FAF1: variants seen among roughly 807,000 people sequenced by gnomAD.
FAF1 encodes Fas associated factor 1.
Under a neutral mutation model 92.5 loss-of-function variants are expected in FAF1, and 25 were observed. The observed-to-expected ratio is 0.27, with a 90% CI of 0.20 to 0.38. The LOEUF (loss-of-function observed/expected upper bound fraction) is 0.38, where lower values mean the gene tolerates loss of function less well. Ranked by LOEUF, FAF1 falls within the 10% of genes least tolerant of loss-of-function variation. The pLI is 1.00. For missense variants in FAF1, 636 were observed against 793.3 expected (o/e 0.80, Z 2.38); for synonymous variants, 234 against 273.2 (o/e 0.86, Z 1.42).
intron 7 of FAF1, among the ~76,000 whole-genome samples, chr1:50,704,313 A>G (rs1657588622): frequency 6.6e-6 from 1 of 152,198 alleles, no homozygotes; most frequent in South Asian, 2.1e-4. Context: ...AATTATGGCT[A>G]GAAAATTCAA....
chr1:50,678,516 G>A (rs1201839347), intron 7 of FAF1, among the ~76,000 whole-genome samples: 1 of 152,048 alleles, frequency 6.6e-6, no homozygotes, highest in African/African-American at 2.4e-5. Context: ...CAGGTGTGGT[G>A]GCTCACATAT....
At chr1:50,580,777 T>C (rs1430452622) in intron 12 of FAF1, among the ~76,000 whole-genome samples, 5 of 152,210 alleles carry the variant, frequency 3.3e-5, no homozygotes, top group South Asian at 2.1e-4. Context: ...TTCGGTATTT[T>C]CTTTTTTCCT....
chr1:50,702,971 A>C (rs773128438), intron 7 of FAF1, among the ~76,000 whole-genome samples: 1 of 151,938 alleles, frequency 6.6e-6, no homozygotes, highest in African/African-American at 2.4e-5. Context: ...AATAGTGCAA[A>C]GTTTTCTTTT....
intron 15 of FAF1, among the ~76,000 whole-genome samples, chr1:50,503,710 G>A (rs750986201): frequency 6.6e-6 from 1 of 151,808 alleles, no homozygotes; most frequent in Non-Finnish European, 1.5e-5. Context: ...CAAGTAAAAG[G>A]AATGAATTAT....
intron 7 of FAF1, among the ~76,000 whole-genome samples, chr1:50,682,255 T>C (rs1656458696): frequency 6.6e-6 from 1 of 152,078 alleles, no homozygotes; most frequent in South Asian, 2.1e-4. Context: ...ATCTCTGCAC[T>C]TTGGGAGGCC....
At chr1:50,866,102 A>G (rs1644479601) in intron 1 of FAF1, among the ~76,000 whole-genome samples, 2 of 152,180 alleles carry the variant, frequency 1.3e-5, no homozygotes, top group South Asian at 2.1e-4. Context: ...CAAACATCAC[A>G]TGATAATCTC....
Position 50,621,391 on chromosome 1 carries a change from CTTTTTTTTTTTTT to C in FAF1, c.745-25188_745-25176del, listed in dbSNP as rs36053834. Among the ~76,000 whole-genome samples the C allele has an allele frequency of 7.8e-5, 7 of 89,228 alleles. No individual in the cohort carries two copies. In the East Asian group the frequency reaches 1.7e-3, roughly 21 times the overall value. The allele number at this position is 89,228 out of a possible 152,430, so 58.5% of individuals were successfully genotyped here. ...AGTTAGCCCCGATCTTTCTTTTTTT[CTTTTTTTTTTTTT>C]TTTTTTTTTTTTTGAGATGGAGTCT... is the stretch of plus-strand genomic sequence containing the variant. On this transcript the variant is annotated intron_variant, in intron 8 of 18. Coordinates refer to ENST00000396153, the MANE Select transcript of FAF1 (RefSeq NM_007051.3).
intron 6 of FAF1, among the ~76,000 whole-genome samples, chr1:50,723,725 A>G (rs1658509477): frequency 6.6e-6 from 1 of 152,180 alleles, no homozygotes; most frequent in South Asian, 2.1e-4. Context: ...CAGCCTGGGC[A>G]ACACAGCAAA....
chr1:50,733,183 CT>C (rs761658537), intron 6 of FAF1, among the ~76,000 whole-genome samples: 1 of 152,194 alleles, frequency 6.6e-6, no homozygotes, highest in Non-Finnish European at 1.5e-5. Flanking sequence ...GTCACTGTCA[CT>C]TATCAGTTTA....
At chr1:50,744,462 T>C (rs557300254) in intron 5 of FAF1, among the ~76,000 whole-genome samples, 1 of 152,340 alleles carries the variant, frequency 6.6e-6, no homozygotes, top group Admixed American at 6.5e-5. Context: ...ACATGCCATA[T>C]ACTGTTTTCA....
At chr1:50,626,520 T>C (rs1220130346) in intron 8 of FAF1, among the ~76,000 whole-genome samples, 2 of 152,084 alleles carry the variant, frequency 1.3e-5, no homozygotes, top group Non-Finnish European at 2.9e-5. Context: ...CTCAGACCAG[T>C]GTAGCTAGTG....
intron 1 of FAF1, among the ~76,000 whole-genome samples, chr1:50,911,973 G>A (rs1291566757): frequency 6.6e-6 from 1 of 150,650 alleles, no homozygotes; most frequent in African/African-American, 2.4e-5. Context: ...GGAGGTCAAG[G>A]TTACAGTGAG....
At chr1:50,498,498 G>C (rs1226315157) in intron 15 of FAF1, among the ~76,000 whole-genome samples, 1 of 152,066 alleles carries the variant, frequency 6.6e-6, no homozygotes, top group Non-Finnish European at 1.5e-5. Flanking sequence ...GTCTGATAAA[G>C]GATTACTATC....
intron 17 of FAF1, among the ~76,000 whole-genome samples, chr1:50,487,904 A>G (rs1249122544): frequency 6.6e-6 from 1 of 152,162 alleles, no homozygotes; most frequent in Non-Finnish European, 1.5e-5. Flanking sequence ...CCATAGGTAA[A>G]CCATATAATC....
At chr1:50,503,531 C>T (rs192825700) in intron 15 of FAF1, among the ~76,000 whole-genome samples, 1 of 151,574 alleles carries the variant, frequency 6.6e-6, no homozygotes, top group Non-Finnish European at 1.5e-5. Context: ...AGGAGACTCA[C>T]TTGGGCCCAA....
At chr1:50,916,569 G>C (rs186265102) in intron 1 of FAF1, among the ~76,000 whole-genome samples, 138 of 152,220 alleles carry the variant, frequency 9.1e-4, no homozygotes, top group Non-Finnish European at 1.5e-3. Context: ...CTCTCTAAAC[G>C]TAGAAACAAA....
intron 13 of FAF1, among the ~76,000 whole-genome samples, chr1:50,552,615 C>A (rs1649366098): frequency 6.6e-6 from 1 of 152,012 alleles, no homozygotes; most frequent in East Asian, 1.9e-4. Flanking sequence ...TATGAAAGTG[C>A]TATGAAAAAG....
At position 50,960,222 on chromosome 1, in the gene FAF1, T is replaced by G. The variant is rs1570194279; in HGVS notation, c.-411A>C. The G allele has an allele frequency of 3.0e-6, 1 of 331,244 alleles. No individual in the cohort carries two copies. Among genetic ancestry groups the G allele is most frequent in the Non-Finnish European group, 5.5e-6 (1 of 181,650 alleles). The allele number at this position is 331,244 out of a possible 1,614,324, so 20.5% of individuals were successfully genotyped here. The stretch of plus-strand genomic sequence containing the variant: ...CGGGCGGGCGAACGCCGCGGCCGCC[T>G]CCGCCTCCTCCGCTTCCTCCCTGGC... On this transcript the variant is annotated 5_prime_UTR_variant, in exon 1 of 19. Transcript: ENST00000396153.
chr1:50,547,113 G>A (rs1030888988), intron 13 of FAF1, among the ~76,000 whole-genome samples: 1 of 151,222 alleles, frequency 6.6e-6, no homozygotes, highest in Non-Finnish European at 1.5e-5. Context: ...GGCTGGTCTT[G>A]AACTCATGGG....
Sources: allele counts gnomAD v4.1 joint callset (sites outside exome capture counted in the v4.1 genomes callset), GRCh38; gene constraint gnomAD v4.1.1; transcripts MANE v1.5; gene names NCBI Gene and HGNC (gene_info 2026-07-23, HGNC 2026-07-21).